Variants in ADD2 observed in about 807,000 individuals in gnomAD.
ADD2 encodes the protein adducin 2.
Under a neutral mutation model 83.0 loss-of-function variants are expected in ADD2, and 23 were observed. The observed-to-expected ratio is 0.28, with a 90% CI of 0.20 to 0.39. The LOEUF (loss-of-function observed/expected upper bound fraction) is 0.39. Ranked by LOEUF, ADD2 falls within the 10% of genes least tolerant of loss-of-function variation. The probability of loss-of-function intolerance (pLI) is 1.00; values close to 1 mark genes in which losing one functional copy is unlikely to be tolerated. For missense variants in ADD2, 758 were observed against 944.9 expected, an observed-to-expected ratio of 0.80 and a Z score of 2.59; for synonymous variants, 375 against 375.4, an observed-to-expected ratio of 1.00 and a Z score of 0.01.
rs1022496981 is a variant in ADD2, at chr2:70,663,843, C to T, written c.1871-108G>A. On this transcript the variant is annotated intron_variant, in intron 15 of 15. Transcript: ENST00000264436. ...GGAATTCTATAAAATCAATCCAGAG[C>T]GAGGGGAGGGCCAGCCTGATGTTGA... The T allele has an allele frequency of 5.9e-5, 73 of 1,242,504 alleles. 1 individual carries two copies. Among genetic ancestry groups the T allele is most frequent in the African/African-American group, 1.2e-4 (8 of 66,046 alleles). 77.0% of individuals were successfully genotyped at this position (1,242,504 alleles called of 1,614,324 possible). A position where few individuals can be genotyped will look rare whatever the true frequency, so the allele number is the denominator to read the frequency against.
At position 70,662,611 on chromosome 2, in the gene ADD2, A is replaced by G. The variant is rs935490094; in HGVS notation, c.*814T>C. 6.6e-6 allele frequency: 1 copy of G among 152,172 alleles called. No homozygotes were observed. The highest frequency in any genetic ancestry group is 2.4e-5 in the African/African-American group (1 of 41,446). The allele number at this position is 152,172 out of a possible 1,614,324, so 9.4% of individuals were successfully genotyped here. A position where few individuals can be genotyped will look rare whatever the true frequency, so the allele number is the denominator to read the frequency against. On this transcript the variant is annotated 3_prime_UTR_variant, in exon 16 of 16. Coordinates refer to ENST00000264436, the MANE Select transcript of ADD2 (RefSeq NM_001617.4). ...CAACAGAGGATTTCAACTTCCCCAA[A>G]TTTCTGCCCTGAGCATTAAACAACT...
At chr2:70,682,658 C>T (rs1343329085) in intron 10 of ADD2, among the ~76,000 whole-genome samples, 1 of 152,226 alleles carries the variant, frequency 6.6e-6, no homozygotes, top group Non-Finnish European at 1.5e-5. Flanking sequence ...ATTAGCTCCT[C>T]ATTGCATATG....
chr2:70,697,259 C>A (rs782814434), intron 4 of ADD2, among the ~76,000 whole-genome samples: 4 of 152,222 alleles, frequency 2.6e-5, no homozygotes, highest in Non-Finnish European at 4.4e-5. Flanking sequence ...GCTGAAAGGC[C>A]AGAGGCCTCA....
At position 70,663,120 on chromosome 2, in the gene ADD2, A is replaced by T; in HGVS notation, c.*305T>A. 3.4e-6 allele frequency: 1 copy of T among 293,518 alleles called. No individual in the cohort carries two copies. The highest frequency in any genetic ancestry group is 6.4e-6 in the Non-Finnish European group (1 of 156,924). 18.2% of individuals were successfully genotyped at this position (293,518 alleles called of 1,614,324 possible). On this transcript the variant is annotated 3_prime_UTR_variant, in exon 16 of 16. Coordinates refer to ENST00000264436, the MANE Select transcript of ADD2 (RefSeq NM_001617.4). ...GGCTCAGATTGGTGGACAGCATCCAAACAAAGGCAGCCCACAACTAGGCAG... is the reference window on the plus strand; with the variant it reads ...GGCTCAGATTGGTGGACAGCATCCATACAAAGGCAGCCCACAACTAGGCAG...
At chr2:70,755,637 C>T (rs368369931) in intron 1 of ADD2, among the ~76,000 whole-genome samples, 1 of 152,200 alleles carries the variant, frequency 6.6e-6, no homozygotes, top group Admixed American at 6.5e-5. Flanking sequence ...TGACCAATTA[C>T]TCATCATCTA....
At chr2:70,686,762 A>T (rs1464321821) in intron 9 of ADD2, among the ~76,000 whole-genome samples, 3 of 152,160 alleles carry the variant, frequency 2.0e-5, no homozygotes, top group Non-Finnish European at 2.9e-5. Context: ...GAGGCGCTAC[A>T]TCACATCAGA....
At chr2:70,749,659 A>G (rs1341733312) in intron 1 of ADD2, among the ~76,000 whole-genome samples, 7 of 152,308 alleles carry the variant, frequency 4.6e-5, no homozygotes, top group African/African-American at 1.7e-4. Context: ...GAGAAAGTCT[A>G]ATTTCCTGAT....
At chr2:70,664,944 G>A (rs1392900160) in intron 15 of ADD2, among the ~76,000 whole-genome samples, 8 of 152,070 alleles carry the variant, frequency 5.3e-5, no homozygotes, top group African/African-American at 1.9e-4. Context: ...GTGTAAGTGT[G>A]TGTGAGTGCA....
chr2:70,739,910 A>G (rs1469545608), intron 1 of ADD2, among the ~76,000 whole-genome samples: 1 of 152,212 alleles, frequency 6.6e-6, no homozygotes, highest in Non-Finnish European at 1.5e-5. Flanking sequence ...AGAAAAAATA[A>G]CTACTGCATA....
At chr2:70,739,729 G>T (rs1303101764) in intron 1 of ADD2, among the ~76,000 whole-genome samples, 1 of 152,230 alleles carries the variant, frequency 6.6e-6, no homozygotes, top group Non-Finnish European at 1.5e-5. Context: ...AGGCACATGG[G>T]TGAAGCTGGA....
At chr2:70,723,360 C>T (rs1320681875) in intron 1 of ADD2, among the ~76,000 whole-genome samples, 20 of 151,732 alleles carry the variant, frequency 1.3e-4, no homozygotes, top group African/African-American at 4.9e-4. Flanking sequence ...TAAATCATTC[C>T]TCATATGGAT....
intron 1 of ADD2, chr2:70,767,537 C>T: frequency 8.1e-6 from 6 of 737,966 alleles, no homozygotes; most frequent in Non-Finnish European, 1.1e-5. Flanking sequence ...AGGGGAGGAG[C>T]GGCCCCGCCC....
rs950630295 is a variant in ADD2, at chr2:70,672,937, C to A, written c.1811G>T (p.Ser604Ile). The change falls in exon 15 of 16, where the codon AGC becomes ATC. Residue 604 changes from serine to isoleucine, a missense_variant. Ser to Ile is a moderately radical substitution (Grantham distance 142). This residue lies in a region of ADD2 where 165 missense variants were observed against 176.2 expected (regional missense o/e 0.94). Coordinates refer to ENST00000264436, the MANE Select transcript of ADD2 (RefSeq NM_001617.4). ...AKSAPASPVQSPAKEAETKSP... is the reference protein window; with the variant it reads ...AKSAPASPVQIPAKEAETKSP... ...CTTTGTCTCTGCCTCCTTCGCTGGGCTCTGCACTGGAGAAGCAGGTGCAGA... is the reference window on the plus strand; with the variant it reads ...CTTTGTCTCTGCCTCCTTCGCTGGGATCTGCACTGGAGAAGCAGGTGCAGA... 6.2e-7 allele frequency: 1 copy of A among 1,613,820 alleles called. No individual in the cohort carries two copies. Among genetic ancestry groups the A allele is most frequent in the Non-Finnish European group, 8.5e-7 (1 of 1,179,942 alleles).
At chr2:70,703,761 A>C (rs1191087197) in intron 4 of ADD2, among the ~76,000 whole-genome samples, 1 of 152,190 alleles carries the variant, frequency 6.6e-6, no homozygotes, top group African/African-American at 2.4e-5. Flanking sequence ...GAAAAAAAGG[A>C]CTGGAAGGAT....
chr2:70,737,290 G>T (rs1444306318), intron 1 of ADD2, among the ~76,000 whole-genome samples: 1 of 152,130 alleles, frequency 6.6e-6, no homozygotes, highest in Non-Finnish European at 1.5e-5. Flanking sequence ...GTTTATTGTG[G>T]CACTATTCAC....
rs1553369000 is a variant in ADD2 at position 70,678,907 on chromosome 2, G to A, written c.1180C>T (p.His394Tyr). 10 of 1,614,044 alleles carry A rather than the reference G, an allele frequency of 6.2e-6. No homozygotes were observed. In the South Asian group the frequency reaches 8.8e-5, roughly 14 times the overall value. ...GCTGGAATCTCCACCTCACTTTTGT[G>A]TTTGGTTTTCTCTTGAACAAAGGGG... The part of the protein sequence containing the change: ...RHPFVQEKTK[H>Y]KSEVEIPATV... The change falls in exon 11 of 16, where the codon CAC becomes TAC. Residue 394 changes from histidine to tyrosine, a missense_variant. By Grantham distance (83) the His-to-Tyr change is moderately conservative. Around this residue, in one of 5 missense-constraint regions of ADD2, gnomAD observed 394 missense variants for 509.3 expected, o/e 0.77. Transcript: ENST00000264436.
intron 4 of ADD2, 58 bp downstream of exon 4, chr2:70,704,263 T>TTGCCCC: frequency 1.1e-6 from 1 of 913,238 alleles, no homozygotes; most frequent in Non-Finnish European, 1.7e-6. Context: ...CTCCCTCTCT[T>TTGCCCC]CCCCACCCCA....
chr2:70,763,177 T>C (rs1675206041), intron 1 of ADD2, among the ~76,000 whole-genome samples: 1 of 152,034 alleles, frequency 6.6e-6, no homozygotes, highest in Non-Finnish European at 1.5e-5. Flanking sequence ...TTCAGTAACA[T>C]TGGCAAAGCT....
chr2:70,714,712 G>T (rs1553376063), intron 1 of ADD2, among the ~76,000 whole-genome samples: 2 of 152,172 alleles, frequency 1.3e-5, no homozygotes, highest in Non-Finnish European at 2.9e-5. Flanking sequence ...TCCAGGGCTG[G>T]CCTCAGGGTG....
Sources: gnomAD v4.1 joint callset for allele counts (sites outside exome capture counted in the v4.1 genomes callset) on GRCh38, gnomAD v4.1.1 for gene constraint, gnomAD v4.1.1 regional missense constraint, MANE v1.5 for transcripts, NCBI Gene and HGNC (gene_info 2026-07-23, HGNC 2026-07-21) for gene names.